Variants in LRRC4C observed in about 807,000 individuals in gnomAD.
LRRC4C encodes the protein leucine-rich repeat-containing protein 4C.
A neutral mutation model predicts 33.6 loss-of-function variants in LRRC4C; 5 were observed. The ratio of observed to expected loss-of-function variants is 0.15; its 90% CI spans 0.08 to 0.31. The LOEUF is 0.31. LRRC4C is among the 10% of genes least tolerant of loss of function. LRRC4C has a pLI of 1.00. For synonymous variants in LRRC4C, 329 were observed against 302.0 expected, an observed-to-expected ratio of 1.09 and a Z score of -0.93; for missense variants, 560 against 796.7, an observed-to-expected ratio of 0.70 and a Z score of 3.58.
chr11:40,351,453 G>C (rs1431081678), intron 3 of LRRC4C: 1 of 152,006 alleles, frequency 6.6e-6, no homozygotes, highest in African/African-American at 2.4e-5. Context: ...ATGTTTCTTT[G>C]TTGGTTTTCT....
intron 3 of LRRC4C, among the ~76,000 whole-genome samples, chr11:40,432,634 C>A (rs879733538): frequency 1.3e-5 from 2 of 152,176 alleles, no homozygotes; most frequent in Non-Finnish European, 2.9e-5. Flanking sequence ...TTGGTCTTCT[C>A]TACATGAATG....
At chr11:40,727,597 T>G (rs1947347151) in intron 2 of LRRC4C, among the ~76,000 whole-genome samples, 1 of 152,066 alleles carries the variant, frequency 6.6e-6, no homozygotes, top group African/African-American at 2.4e-5. Context: ...CAAAAGAAAC[T>G]ATCAACAGAG....
intron 2 of LRRC4C, among the ~76,000 whole-genome samples, chr11:40,685,202 A>C (rs1283358269): frequency 2.0e-5 from 3 of 152,014 alleles, no homozygotes; most frequent in Non-Finnish European, 4.4e-5. Context: ...TGCAACTGGC[A>C]CCTCTTCTTT....
intron 2 of LRRC4C, among the ~76,000 whole-genome samples, chr11:40,888,645 T>C (rs1419563909): frequency 6.6e-6 from 1 of 152,014 alleles, no homozygotes; most frequent in Admixed American, 6.6e-5. Context: ...TATTTCATGG[T>C]AATGGAAACC....
chr11:40,147,491 A>T (rs1425954783), intron 5 of LRRC4C, among the ~76,000 whole-genome samples: 1 of 152,086 alleles, frequency 6.6e-6, no homozygotes, highest in Non-Finnish European at 1.5e-5. Flanking sequence ...TCCAGCACTG[A>T]TAGCCTTTCT....
At chr11:41,058,729 A>T (rs190346796) in intron 1 of LRRC4C, among the ~76,000 whole-genome samples, 4 of 152,358 alleles carry the variant, frequency 2.6e-5, no homozygotes, top group East Asian at 1.9e-4. Context: ...AGGAATATAA[A>T]TTTTTCTACC....
intron 5 of LRRC4C, among the ~76,000 whole-genome samples, chr11:40,238,089 C>T (rs1865687032): frequency 6.6e-6 from 1 of 152,150 alleles, no homozygotes; most frequent in Non-Finnish European, 1.5e-5. Context: ...ATTTGTACGG[C>T]AGCACAGGTT....
chr11:40,383,217 TGTTTGGTTG>T (rs910846562), intron 3 of LRRC4C, among the ~76,000 whole-genome samples: 6 of 145,776 alleles, frequency 4.1e-5, no homozygotes, highest in Middle Eastern at 3.5e-3. Flanking sequence ...GGCTGAATAA[TGTTTGGTTG>T]TATATTTATA....
Position 40,114,954 on chromosome 11 carries a change from T to C in LRRC4C, c.1339A>G (p.Thr447Ala). ...GAAAAGTAAGAGAAAGGAGTAGTGG[T>C]TGCTGCAGTAACATTCAGGGTGGCT... ...ASATLNVTAATTTPFSYFSTV... is the reference protein window; with the variant it reads ...ASATLNVTAAATTPFSYFSTV... The change falls in exon 7 of 7, where the codon ACC becomes GCC. Residue 447 changes from threonine (T) to alanine (A), a missense_variant. Thr to Ala is a moderately conservative substitution (Grantham distance 58). Coordinates refer to ENST00000528697, the MANE Select transcript of LRRC4C (RefSeq NM_001258419.2). The C allele has an allele frequency of 6.2e-7, 1 of 1,614,194 alleles. No individual in the cohort carries two copies.
intron 2 of LRRC4C, among the ~76,000 whole-genome samples, chr11:40,788,260 A>T (rs1331641157): frequency 6.6e-6 from 1 of 152,214 alleles, no homozygotes; most frequent in East Asian, 1.9e-4. Flanking sequence ...ATACATTCAA[A>T]GCAGCTTGGT....
intron 1 of LRRC4C, among the ~76,000 whole-genome samples, chr11:41,153,213 T>A (rs1474473237): frequency 1.3e-5 from 2 of 152,100 alleles, no homozygotes; most frequent in Non-Finnish European, 2.9e-5. Flanking sequence ...ATGAAAAAAA[T>A]TATTAAATTA....
chr11:40,403,359 T>C (rs1349968466), intron 3 of LRRC4C, among the ~76,000 whole-genome samples: 2 of 152,116 alleles, frequency 1.3e-5, no homozygotes, highest in African/African-American at 2.4e-5. Flanking sequence ...TACTAAATAG[T>C]CCACAAATTA....
intron 3 of LRRC4C, among the ~76,000 whole-genome samples, chr11:40,384,681 T>G (rs1018399891): frequency 5.3e-5 from 8 of 152,184 alleles, no homozygotes; most frequent in African/African-American, 9.7e-5. Flanking sequence ...TTCTTTTAGC[T>G]CCTACATTTT....
At position 41,015,541 on chromosome 11, in the gene LRRC4C, T is replaced by C. The variant is rs1855519883; in HGVS notation, c.-495-81818A>G. On this transcript the variant is annotated intron_variant, in intron 1 of 6. Transcript: ENST00000528697. ...GTTGGTCAGTCTGGTTTTGAACTCCTGACCTCAGGTGATCCACCTGCCTAG... is the reference window on the plus strand; with the variant it reads ...GTTGGTCAGTCTGGTTTTGAACTCCCGACCTCAGGTGATCCACCTGCCTAG... Among the ~76,000 whole-genome samples, 5 of 152,110 alleles carry C rather than the reference T, an allele frequency of 3.3e-5. No individual in the cohort carries two copies. In the South Asian group the frequency reaches 1.0e-3, roughly 31 times the overall value.
intron 5 of LRRC4C, among the ~76,000 whole-genome samples, chr11:40,171,246 T>G (rs1860020616): frequency 6.6e-6 from 1 of 152,214 alleles, no homozygotes; most frequent in East Asian, 1.9e-4. Context: ...AGAAACTTAT[T>G]TCTACAGTCT....
chr11:41,011,227 C>T (rs2137531458), intron 1 of LRRC4C, among the ~76,000 whole-genome samples: 1 of 152,150 alleles, frequency 6.6e-6, no homozygotes, highest in South Asian at 2.1e-4. Context: ...TCATCATTAT[C>T]ACTACTACTT....
intron 1 of LRRC4C, among the ~76,000 whole-genome samples, chr11:41,007,142 G>T (rs2137468735): frequency 6.6e-6 from 1 of 151,924 alleles, no homozygotes; most frequent in South Asian, 2.1e-4. Context: ...GCCAAAAAAT[G>T]CAAAAGTTCA....
At chr11:40,286,182 C>A (rs1943825434) in intron 4 of LRRC4C, among the ~76,000 whole-genome samples, 1 of 152,070 alleles carries the variant, frequency 6.6e-6, no homozygotes, top group Admixed American at 6.5e-5. Flanking sequence ...GTATGTATGA[C>A]AAAGTTTAAT....
At chr11:41,038,321 A>G (rs1407740494) in intron 1 of LRRC4C, among the ~76,000 whole-genome samples, 1 of 152,222 alleles carries the variant, frequency 6.6e-6, no homozygotes, top group Non-Finnish European at 1.5e-5. Context: ...GGGGGATCAG[A>G]TCCCAAAGGT....
Sources: gnomAD v4.1 joint callset for allele counts (sites outside exome capture counted in the v4.1 genomes callset) on GRCh38, gnomAD v4.1.1 for gene constraint, MANE v1.5 for transcripts, NCBI Gene and HGNC (gene_info 2026-07-23, HGNC 2026-07-21) for gene names.